The following PIP5K1C variants were observed in gnomAD, a reference collection of about 807,000 sequenced individuals.
PIP5K1C encodes phosphatidylinositol-4-phosphate 5-kinase type 1 gamma, also known as phosphatidylinositol 4-phosphate 5-kinase type-1 gamma.
In PIP5K1C, 45 loss-of-function variants were observed where a neutral mutation model predicts 80.1. That is an observed-to-expected ratio of 0.56 (90% CI 0.44 to 0.72). The LOEUF (loss-of-function observed/expected upper bound fraction) is 0.72, where lower values mean the gene tolerates loss of function less well. Among genes scored for constraint, PIP5K1C ranks in the 30% least tolerant of loss-of-function variants. The pLI is 0.00. For missense variants in PIP5K1C, 753 were observed against 954.6 expected (o/e 0.79, Z 2.78); for synonymous variants, 498 against 420.1 (o/e 1.19, Z -2.27).
At chr19:3,680,616 G>A (rs1391468205) in intron 1 of PIP5K1C, among the ~76,000 whole-genome samples, 1 of 152,210 alleles carries the variant, frequency 6.6e-6, no homozygotes, top group Non-Finnish European at 1.5e-5. Flanking sequence ...TAAATACAAT[G>A]TCTAATAAGA....
intron 1 of PIP5K1C, chr19:3,669,603 G>A (rs987376737): frequency 3.3e-5 from 5 of 152,252 alleles, no homozygotes; most frequent in African/African-American, 7.2e-5. Flanking sequence ...GTTTTATGAC[G>A]CGGAAAGAGA....
At chr19:3,643,076 C>G in intron 13 of PIP5K1C, 137 bp from the exon 14 acceptor site, 1 of 1,460,630 alleles carries the variant, frequency 6.8e-7, no homozygotes, top group Non-Finnish European at 9.5e-7. Context: ...CCCTCCCACA[C>G]ATTGGATGCT....
rs1283923522 is a variant in PIP5K1C at position 3,633,469 on chromosome 19, C to T, written c.1972G>A (p.Ala658Thr). The T allele has an allele frequency of 3.3e-6, 5 of 1,506,904 alleles. No individual in the cohort carries two copies. The highest frequency in any genetic ancestry group is 2.3e-5 in the East Asian group (1 of 42,958). 93.3% of individuals were successfully genotyped at this position (1,506,904 alleles called of 1,614,324 possible). A position where few individuals can be genotyped will look rare whatever the true frequency, so the allele number is the denominator to read the frequency against. The change falls in exon 17 of 18, where the codon GCC becomes ACC. Residue 658 changes from alanine (A) to threonine (T), a missense_variant. Transcript: ENST00000335312. ...VYSPLHYSAQ[A>T]PPASDGESDT Reference sequence around the variant, plus strand: ...CTCTCGCCGTCGGAGGCCGGGGGGGCCTGGGCGCTATAGTGGAGCGGGGAG... The same window carrying T: ...CTCTCGCCGTCGGAGGCCGGGGGGGTCTGGGCGCTATAGTGGAGCGGGGAG...
At position 3,637,081 on chromosome 19, in the gene PIP5K1C, G is replaced by A. The variant is rs573700362; in HGVS notation, c.1920+1803C>T. On this transcript the variant is annotated intron_variant, in intron 16 of 17. Coordinates refer to ENST00000335312, the MANE Select transcript of PIP5K1C (RefSeq NM_012398.3). The surrounding 1 kb of genome is among the most constrained non-coding windows in gnomAD (Gnocchi z 7.0). ...CTCCTCCCCGTCTCCATGGCCCTGC[G>A]GTTCAGAGCCCGGCCCTGCAGCCAC... is the stretch of plus-strand genomic sequence containing the variant. The A allele has an allele frequency of 9.2e-5, 115 of 1,244,034 alleles. No individual in the cohort carries two copies. The African/African-American group carries it at 1.6e-3, about 17-fold the overall frequency. The allele number at this position is 1,244,034 out of a possible 1,614,324, so 77.1% of individuals were successfully genotyped here. A position where few individuals can be genotyped will look rare whatever the true frequency, so the allele number is the denominator to read the frequency against.
Position 3,700,312 on chromosome 19 carries a change from T to C in PIP5K1C, c.79A>G (p.Ser27Gly). Residue 27 changes from serine (S) to glycine (G), a missense_variant, in exon 1 of 18, where the codon AGC (serine) becomes GGC (glycine). Ser to Gly is a moderately conservative substitution (Grantham distance 56). Around this residue, in one of 6 missense-constraint regions of PIP5K1C, gnomAD observed 78 missense variants for 67.1 expected, o/e 1.16. Transcript: ENST00000335312. ...GGGCCGTTACCTGCCGCCGCCCCGC[T>C]CTCTGCCGCCCACGCCGCCTCCGAG... Reference protein sequence around the residue: ...VPSEAAWAAESGAAAGLAQKK... With the variant: ...VPSEAAWAAEGGAAAGLAQKK... 2 of 1,288,642 alleles carry C rather than the reference T, an allele frequency of 1.6e-6. No individual in the cohort carries two copies. The highest frequency in any genetic ancestry group is 4.7e-5 in the East Asian group (1 of 21,484). 79.8% of individuals were successfully genotyped at this position (1,288,642 alleles called of 1,614,324 possible).
rs2035968555 is a variant in PIP5K1C, at chr19:3,692,092, G to A, written c.94+8205C>T. ...TCACGTCCCTGTCCCCACTCCCTGGGCGCCCACCATGGGCAGGGCCGGCTC... is the reference window on the plus strand; with the variant it reads ...TCACGTCCCTGTCCCCACTCCCTGGACGCCCACCATGGGCAGGGCCGGCTC... On this transcript the variant is annotated intron_variant, in intron 1 of 17. Coordinates refer to ENST00000335312, the MANE Select transcript of PIP5K1C (RefSeq NM_012398.3). This position sits in a 1 kb window ranked among gnomAD's most constrained non-coding sequence, Gnocchi z 5.2. Among the ~76,000 whole-genome samples, 1 of 152,192 alleles carries A rather than the reference G, an allele frequency of 6.6e-6. No homozygotes were observed. Among genetic ancestry groups the A allele is most frequent in the Non-Finnish European group, 1.5e-5 (1 of 68,028 alleles).
Position 3,696,786 on chromosome 19 carries a change from A to C in PIP5K1C, c.94+3511T>G, listed in dbSNP as rs114199642. Among the ~76,000 whole-genome samples the C allele has an allele frequency of 5.2e-3, 790 of 151,980 alleles. 2 individuals are homozygous for C. Among genetic ancestry groups the C allele is most frequent in the African/African-American group, 0.019 (766 of 41,368 alleles). ...CCCGGGGCAGGCTGTGCAGGGCCTGATGGGCTTCAAAGAGGACTATGTCTT... is the reference window on the plus strand; with the variant it reads ...CCCGGGGCAGGCTGTGCAGGGCCTGCTGGGCTTCAAAGAGGACTATGTCTT... On this transcript the variant is annotated intron_variant, in intron 1 of 17. Transcript: ENST00000335312. This position sits in a 1 kb window ranked among gnomAD's most constrained non-coding sequence, Gnocchi z 4.1.
At position 3,643,126 on chromosome 19, in the gene PIP5K1C, C is replaced by T. The variant is rs149473913; in HGVS notation, c.1649+117G>A. ...CCACATGCAGTGTATGTACATCCAC[C>T]GTACATACGATGCTCCACCCACATG... On this transcript the variant is annotated intron_variant, in intron 13 of 17. Transcript: ENST00000335312. The T allele has an allele frequency of 0.012, 18,493 of 1,488,144 alleles. 140 individuals carry two copies. Among genetic ancestry groups the T allele is most frequent in the Non-Finnish European group, 0.015 (16,422 of 1,078,424 alleles). The allele number at this position is 1,488,144 out of a possible 1,614,324, so 92.2% of individuals were successfully genotyped here.
chr19:3,658,804 TG>T (rs1338996696), intron 5 of PIP5K1C, among the ~76,000 whole-genome samples: 2 of 152,216 alleles, frequency 1.3e-5, no homozygotes, highest in Non-Finnish European at 2.9e-5. Context: ...TGAAGCCACA[TG>T]ACTAATGGCA....
intron 8 of PIP5K1C, among the ~76,000 whole-genome samples, chr19:3,650,760 T>C (rs927760998): frequency 3.0e-4 from 46 of 151,102 alleles, no homozygotes; most frequent in Admixed American, 1.3e-4. Context: ...TGGCAGCCAC[T>C]TTTTTTTTCT....
intron 1 of PIP5K1C, among the ~76,000 whole-genome samples, chr19:3,686,072 C>G (rs1416589862): frequency 6.6e-6 from 1 of 152,056 alleles, no homozygotes; most frequent in African/African-American, 2.4e-5. Context: ...AGGCTGGTCT[C>G]AAACTCCTGG....
At chr19:3,695,795 C>A (rs1271543751) in intron 1 of PIP5K1C, among the ~76,000 whole-genome samples, 1 of 151,288 alleles carries the variant, frequency 6.6e-6, no homozygotes, top group Non-Finnish European at 1.5e-5. Flanking sequence ...ACGATCACAG[C>A]TCAGTGCAGC....
At chr19:3,643,098 C>A in intron 13 of PIP5K1C, 145 bp downstream of exon 13, 1 of 1,466,246 alleles carries the variant, frequency 6.8e-7, no homozygotes, top group South Asian at 1.1e-5. Context: ...CGCCCCCGCG[C>A]ACCCACATGC....
At chr19:3,651,630 T>C (rs2034453917) in intron 8 of PIP5K1C, among the ~76,000 whole-genome samples, 196 bp downstream of exon 8, 1 of 152,206 alleles carries the variant, frequency 6.6e-6, no homozygotes, top group African/African-American at 2.4e-5. Flanking sequence ...CCCGGAACCC[T>C]GCACTCAGCC....
intron 1 of PIP5K1C, among the ~76,000 whole-genome samples, chr19:3,689,374 G>A (rs2035875054): frequency 6.6e-6 from 1 of 152,130 alleles, no homozygotes; most frequent in African/African-American, 2.4e-5. Context: ...AAACAGGCCT[G>A]GCGCAGTGGC....
chr19:3,685,809 C>T (rs920210674), intron 1 of PIP5K1C, among the ~76,000 whole-genome samples: 6 of 152,162 alleles, frequency 3.9e-5, no homozygotes, highest in African/African-American at 1.2e-4. Context: ...GTGCTACAAC[C>T]GCAGTGTGGA....
intron 1 of PIP5K1C, chr19:3,673,804 G>A: frequency 6.6e-6 from 1 of 152,530 alleles, no homozygotes; most frequent in Non-Finnish European, 1.5e-5. Flanking sequence ...CTGGGCAGCG[G>A]CACTCCACGA....
At chr19:3,635,298 G>C (rs2033636237) in intron 16 of PIP5K1C, among the ~76,000 whole-genome samples, 1 of 152,254 alleles carries the variant, frequency 6.6e-6, no homozygotes, top group African/African-American at 2.4e-5. Context: ...TGTCATCCCA[G>C]CACTTTGGGA....
At chr19:3,664,153 A>G (rs2145495303) in intron 3 of PIP5K1C, among the ~76,000 whole-genome samples, 2 of 152,300 alleles carry the variant, frequency 1.3e-5, no homozygotes, top group East Asian at 3.9e-4. Flanking sequence ...CACTTCTATG[A>G]CACGTCCAGG....
Sources: allele counts gnomAD v4.1 joint callset (sites outside exome capture counted in the v4.1 genomes callset), GRCh38; gene constraint gnomAD v4.1.1; regional missense constraint gnomAD v4.1.1; non-coding constraint Gnocchi (gnomAD v3.1); transcripts MANE v1.5; gene names NCBI Gene and HGNC (gene_info 2026-07-23, HGNC 2026-07-21).